The following CTNNA3 variants were observed in gnomAD, a reference collection of about 807,000 sequenced individuals.
CTNNA3 encodes the protein catenin alpha 3.
A neutral mutation model predicts 95.7 loss-of-function variants in CTNNA3; 76 were observed. The observed-to-expected ratio is 0.79, with a 90% CI of 0.66 to 0.96. The LOEUF is 0.96. CTNNA3 is among the 40% of genes least tolerant of loss of function. The pLI is 0.00. For synonymous variants in CTNNA3, 431 were observed against 374.4 expected (o/e 1.15, Z -1.74); for missense variants, 1,191 against 1,089.8 (o/e 1.09, Z -1.31).
At chr10:66,330,818 C>T (rs2132317746) in intron 12 of CTNNA3, among the ~76,000 whole-genome samples, 1 of 148,142 alleles carries the variant, frequency 6.8e-6, no homozygotes, top group Non-Finnish European at 1.5e-5. Flanking sequence ...TCTCTGATGG[C>T]CAGTGATGAT....
At chr10:67,490,196 C>A (rs1428842465) in intron 5 of CTNNA3, among the ~76,000 whole-genome samples, 1 of 152,096 alleles carries the variant, frequency 6.6e-6, no homozygotes. Context: ...ATGCTGTAGA[C>A]AATTTATGTA....
chr10:66,053,693 T>C (rs931715615), intron 15 of CTNNA3, among the ~76,000 whole-genome samples: 3 of 152,074 alleles, frequency 2.0e-5, no homozygotes, highest in Non-Finnish European at 4.4e-5. Context: ...GATATTTTGA[T>C]ACAAGCATAT....
At chr10:66,105,653 C>T (rs756348397) in intron 13 of CTNNA3, among the ~76,000 whole-genome samples, 3 of 152,162 alleles carry the variant, frequency 2.0e-5, no homozygotes, top group Admixed American at 1.3e-4. Context: ...ACCATTTACA[C>T]CCACATACTT....
intron 13 of CTNNA3, among the ~76,000 whole-genome samples, chr10:66,157,650 C>T (rs1228646415): frequency 1.3e-5 from 2 of 151,832 alleles, no homozygotes; most frequent in East Asian, 1.9e-4. Context: ...GTATCTTTTT[C>T]GAATAATGAT....
intron 7 of CTNNA3, among the ~76,000 whole-genome samples, chr10:67,071,784 C>T (rs1856480015): frequency 1.3e-5 from 2 of 152,208 alleles, no homozygotes; most frequent in Non-Finnish European, 2.9e-5. Context: ...ACCATTTACA[C>T]AATATCTAAT....
intron 5 of CTNNA3, among the ~76,000 whole-genome samples, chr10:67,497,851 A>G (rs1049495239): frequency 2.6e-5 from 4 of 152,208 alleles, no homozygotes; most frequent in African/African-American, 7.2e-5. Flanking sequence ...TCAGATGGAT[A>G]GGTTGCAAAA....
chr10:66,326,903 A>C (rs892218466), intron 12 of CTNNA3, among the ~76,000 whole-genome samples: 1 of 152,156 alleles, frequency 6.6e-6, no homozygotes, highest in Admixed American at 6.5e-5. Context: ...TTCATAAGGG[A>C]AAACAAAGTA....
In CTNNA3 at chr10:67,301,900, C is replaced by T. The variant is rs1315573505; in HGVS notation, c.580-82030G>A. On this transcript the variant is annotated intron_variant, in intron 5 of 17. Transcript: ENST00000433211. The stretch of plus-strand genomic sequence containing the variant: ...AGGAGAATGGCGTGAACCCGGGAGG[C>T]GGAGCTTGCAGTGAGCGGAGATCGC... Among the ~76,000 whole-genome samples the T allele has an allele frequency of 1.3e-5, 2 of 151,190 alleles. 1 individual carries two copies. The highest frequency in any genetic ancestry group is 4.9e-5 in the African/African-American group (2 of 40,912).
chr10:66,785,302 C>A (rs1473399447), intron 7 of CTNNA3, among the ~76,000 whole-genome samples: 1 of 152,178 alleles, frequency 6.6e-6, no homozygotes, highest in African/African-American at 2.4e-5. Flanking sequence ...ACCTAGGTAA[C>A]TGGTAAAACA....
intron 9 of CTNNA3, among the ~76,000 whole-genome samples, chr10:66,645,849 C>T (rs1845689312): frequency 6.6e-6 from 1 of 152,166 alleles, no homozygotes; most frequent in South Asian, 2.1e-4. Flanking sequence ...AAATTGTCTT[C>T]CATGAAACTG....
rs10997524 is a variant in CTNNA3 at position 67,133,378 on chromosome 10, T to C, written c.1047+46939A>G. ...ACATACATACATACATATATATATA[T>C]ACACACACACACACACACACACACA... is the stretch of plus-strand genomic sequence containing the variant. On this transcript the variant is annotated intron_variant, in intron 7 of 17. Transcript: ENST00000433211. Among the ~76,000 whole-genome samples the C allele has an allele frequency of 1.8e-3, 237 of 133,930 alleles. 1 individual carries two copies. The highest frequency in any genetic ancestry group is 4.5e-3 in the African/African-American group (158 of 35,104). The allele number at this position is 133,930 out of a possible 152,430, so 87.9% of individuals were successfully genotyped here. A position where few individuals can be genotyped will look rare whatever the true frequency, so the allele number is the denominator to read the frequency against.
intron 5 of CTNNA3, among the ~76,000 whole-genome samples, chr10:67,258,951 T>C (rs371825777): frequency 3.3e-5 from 5 of 152,284 alleles, no homozygotes; most frequent in Admixed American, 1.3e-4. Flanking sequence ...TCCTCTCATA[T>C]CCTTTAAATC....
chr10:67,670,535 A>C (rs1049625688), intron 1 of CTNNA3, among the ~76,000 whole-genome samples: 3 of 152,194 alleles, frequency 2.0e-5, no homozygotes, highest in African/African-American at 7.2e-5. Context: ...AAATAATTAA[A>C]TTCAGTCATA....
At chr10:66,382,820 C>G (rs1795017586) in intron 11 of CTNNA3, among the ~76,000 whole-genome samples, 1 of 152,198 alleles carries the variant, frequency 6.6e-6, no homozygotes, top group African/African-American at 2.4e-5. Context: ...AGAACTCCAG[C>G]AAACTCCAAC....
chr10:67,514,646 A>T (rs1839751397), intron 5 of CTNNA3, among the ~76,000 whole-genome samples: 1 of 151,888 alleles, frequency 6.6e-6, no homozygotes, highest in Non-Finnish European at 1.5e-5. Context: ...AATAAGCACC[A>T]TATTGATGCA....
chr10:66,096,669 A>T (rs6480137), intron 14 of CTNNA3, among the ~76,000 whole-genome samples: 3 of 151,272 alleles, frequency 2.0e-5, no homozygotes, highest in Non-Finnish European at 4.4e-5. Flanking sequence ...GATTACAGGC[A>T]TGCATTGCCA....
intron 17 of CTNNA3, among the ~76,000 whole-genome samples, chr10:65,954,984 A>G (rs1786916): frequency 0.39 from 58,619 of 151,898 alleles, 11,971 homozygotes; most frequent in African/African-American, 0.51. Context: ...GGGCAGTATG[A>G]CCATTTTCAC....
At chr10:67,604,914 C>G (rs967429584) in intron 3 of CTNNA3, among the ~76,000 whole-genome samples, 6 of 152,006 alleles carry the variant, frequency 3.9e-5, no homozygotes, top group Admixed American at 3.3e-4. Context: ...TGAAGAATAC[C>G]TATAAAATAT....
chr10:66,485,045 T>TA (rs1839678363), intron 11 of CTNNA3, among the ~76,000 whole-genome samples: 1 of 152,050 alleles, frequency 6.6e-6, no homozygotes, highest in Admixed American at 6.5e-5. Context: ...CTTTTCATGA[T>TA]AAAAATACTC....
Sources: allele counts gnomAD v4.1 joint callset (sites outside exome capture counted in the v4.1 genomes callset), GRCh38; gene constraint gnomAD v4.1.1; transcripts MANE v1.5; gene names NCBI Gene and HGNC (gene_info 2026-07-23, HGNC 2026-07-21).